SPOP: variants seen among roughly 807,000 people sequenced by gnomAD.
SPOP encodes speckle type BTB/POZ protein.
A neutral mutation model predicts 45.6 loss-of-function variants in SPOP; 11 were observed. That is an observed-to-expected ratio of 0.24 (90% CI 0.15 to 0.40). SPOP has a LOEUF of 0.40. Among genes scored for constraint, SPOP ranks in the 10% least tolerant of loss-of-function variants. The pLI is 1.00. For synonymous variants in SPOP, 166 were observed against 166.3 expected (o/e 1.00, Z 0.01); for missense variants, 152 against 465.6 (o/e 0.33, Z 6.20).
intron 1 of SPOP, among the ~76,000 whole-genome samples, chr17:49,676,354 T>C (rs773678029): frequency 2.0e-5 from 3 of 152,198 alleles, no homozygotes; most frequent in South Asian, 2.1e-4. Flanking sequence ...TCCCTGTGTG[T>C]CATCTCTTGG....
chr17:49,611,588 C>T (rs2071974279), intron 5 of SPOP, 131 bp from the exon 6 acceptor site: 1 of 802,084 alleles, frequency 1.2e-6, no homozygotes, highest in African/African-American at 1.7e-5. Flanking sequence ...TTGAAACCAC[C>T]TCCACAAATC....
intron 5 of SPOP, chr17:49,612,682 A>C (rs545584655): frequency 6.6e-6 from 1 of 152,232 alleles, no homozygotes; most frequent in African/African-American, 2.4e-5. Flanking sequence ...TAGATAGGAC[A>C]CTGCAGATCA....
At chr17:49,609,353 T>C (rs890343733) in intron 6 of SPOP, among the ~76,000 whole-genome samples, 1 of 152,192 alleles carries the variant, frequency 6.6e-6, no homozygotes, top group Non-Finnish European at 1.5e-5. Flanking sequence ...TAAATAAATA[T>C]ATTTCAGAAA....
Position 49,611,419 on chromosome 17 carries a change from C to T in SPOP, c.519G>A (p.Gln173=), listed in dbSNP as rs2071970332. 1 of 1,614,050 alleles carries T rather than the reference C, an allele frequency of 6.2e-7. No homozygotes were observed. Among genetic ancestry groups the T allele is most frequent in the Non-Finnish European group, 8.5e-7 (1 of 1,180,040 alleles). The stretch of plus-strand genomic sequence containing the variant: ...GAACCTTTACCATGTTCATGGTATT[C>T]TGGCCAGAAATGTTGACAGAATCTT... ...VVQDSVNISG[Q]NTMNMVKVPE... is the part of the protein sequence containing the mutation. The change falls in exon 6 of 10, where the codon CAG becomes CAA. Residue 173 remains glutamine, a synonymous_variant. Transcript: ENST00000504102.
chr17:49,673,077 G>C (rs1253619902), intron 1 of SPOP, among the ~76,000 whole-genome samples: 1 of 152,094 alleles, frequency 6.6e-6, no homozygotes, highest in Non-Finnish European at 1.5e-5. Flanking sequence ...AACACGAACT[G>C]GATATTAGAT....
At chr17:49,613,559 G>C (rs2072020777) in intron 5 of SPOP, among the ~76,000 whole-genome samples, 1 of 152,192 alleles carries the variant, frequency 6.6e-6, no homozygotes, top group South Asian at 2.1e-4. Flanking sequence ...GTGGTAATGA[G>C]TGGGGCCCAA....
At chr17:49,643,647 A>G (rs1321084146) in intron 1 of SPOP, among the ~76,000 whole-genome samples, 1 of 152,140 alleles carries the variant, frequency 6.6e-6, no homozygotes, top group Non-Finnish European at 1.5e-5. Flanking sequence ...ATTCTAGAAG[A>G]AGGCCAGGTG....
intron 1 of SPOP, among the ~76,000 whole-genome samples, chr17:49,668,775 CTT>C (rs371542684): frequency 2.9e-4 from 40 of 138,904 alleles, no homozygotes; most frequent in Admixed American, 1.1e-3. Flanking sequence ...ATATACATAT[CTT>C]TTTTTTTTTT....
chr17:49,665,681 CA>C (rs2073048038), intron 1 of SPOP, among the ~76,000 whole-genome samples: 3 of 149,834 alleles, frequency 2.0e-5, no homozygotes, highest in Non-Finnish European at 4.4e-5. Flanking sequence ...CACACACACA[CA>C]CACACACACA....
intron 5 of SPOP, among the ~76,000 whole-genome samples, chr17:49,612,396 C>A (rs533368851): frequency 6.6e-6 from 1 of 152,254 alleles, no homozygotes; most frequent in East Asian, 1.9e-4. Flanking sequence ...CACTTTTATA[C>A]CTTTAGTCAG....
At chr17:49,631,227 G>T (rs2143371723) in intron 1 of SPOP, among the ~76,000 whole-genome samples, 1 of 152,250 alleles carries the variant, frequency 6.6e-6, no homozygotes, top group South Asian at 2.1e-4. Flanking sequence ...TAACCTAAAA[G>T]TTCATCAACA....
chr17:49,607,475 T>A, intron 7 of SPOP, 103 bp from the exon 8 acceptor site: 5 of 1,421,408 alleles, frequency 3.5e-6, no homozygotes, highest in Non-Finnish European at 4.7e-6. Flanking sequence ...GAACTTTGTA[T>A]CATTTAAAAC....
chr17:49,671,995 C>G (rs1022181814), intron 1 of SPOP, among the ~76,000 whole-genome samples: 1 of 152,092 alleles, frequency 6.6e-6, no homozygotes, highest in South Asian at 2.1e-4. Flanking sequence ...AAAAAATTAG[C>G]CGAGCGTTGT....
chr17:49,633,199 T>C (rs572431195), intron 1 of SPOP, among the ~76,000 whole-genome samples: 1 of 152,320 alleles, frequency 6.6e-6, no homozygotes, highest in Non-Finnish European at 1.5e-5. Flanking sequence ...TATGCACTTG[T>C]ACATAAAAAG....
chr17:49,600,309 G>C lies in SPOP; in HGVS notation c.*69C>G. 2 of 1,596,074 alleles carry C rather than the reference G, an allele frequency of 1.3e-6. No homozygotes were observed. Among genetic ancestry groups the C allele is most frequent in the South Asian group, 2.2e-5 (2 of 90,268 alleles). On this transcript the variant is annotated 3_prime_UTR_variant, in exon 10 of 10. Transcript: ENST00000504102. The surrounding 1 kb of genome is among the most constrained non-coding windows in gnomAD (Gnocchi z 4.2). Reference sequence around the variant, plus strand: ...GCTCCACAGATTGCGCTGTCTACCTGGTGGTCAGTGGCAGCAACAGTGGCT... The same window carrying C: ...GCTCCACAGATTGCGCTGTCTACCTCGTGGTCAGTGGCAGCAACAGTGGCT...
intron 1 of SPOP, among the ~76,000 whole-genome samples, chr17:49,669,029 G>C (rs2143568736): frequency 6.6e-6 from 1 of 151,890 alleles, no homozygotes; most frequent in South Asian, 2.1e-4. Context: ...GCCCATCTCG[G>C]CCTCCCAAAG....
chr17:49,671,451 G>A (rs2045524288), intron 1 of SPOP, among the ~76,000 whole-genome samples: 1 of 152,020 alleles, frequency 6.6e-6, no homozygotes, highest in South Asian at 2.1e-4. Context: ...TACAAAGTGA[G>A]CTAGGAACTT....
intron 3 of SPOP, among the ~76,000 whole-genome samples, chr17:49,620,393 A>C (rs1567778897): frequency 6.8e-6 from 1 of 147,846 alleles, no homozygotes; most frequent in Non-Finnish European, 1.5e-5. Context: ...ACTTTAACCC[A>C]GGAGGCAGAG....
chr17:49,622,247 C>A, intron 2 of SPOP, 180 bp from the exon 3 acceptor site: 1 of 758,330 alleles, frequency 1.3e-6, no homozygotes, highest in Non-Finnish European at 2.2e-6. Flanking sequence ...TCACACTGAC[C>A]AATAGCTTTT....
Sources: gnomAD v4.1 joint callset for allele counts (sites outside exome capture counted in the v4.1 genomes callset) on GRCh38, gnomAD v4.1.1 for gene constraint, Gnocchi (gnomAD v3.1) non-coding constraint, MANE v1.5 for transcripts, NCBI Gene and HGNC (gene_info 2026-07-23, HGNC 2026-07-21) for gene names.